PIAS4: variants seen among roughly 807,000 people sequenced by gnomAD.
PIAS4 encodes the protein E3 SUMO-protein ligase PIAS4.
PIAS4 carries 7 observed loss-of-function variants against 58.0 expected under a neutral mutation model. That is an observed-to-expected ratio of 0.12 (90% CI 0.07 to 0.23). PIAS4 has a LOEUF of 0.23. Among genes scored for constraint, PIAS4 ranks in the 10% least tolerant of loss-of-function variants. The probability of loss-of-function intolerance (pLI) is 1.00; values close to 1 mark genes in which losing one functional copy is unlikely to be tolerated. For synonymous variants in PIAS4, 364 were observed against 312.4 expected, an observed-to-expected ratio of 1.17 and a Z score of -1.74; for missense variants, 550 against 709.5, an observed-to-expected ratio of 0.78 and a Z score of 2.55.
intron 1 of PIAS4, among the ~76,000 whole-genome samples, 164 bp downstream of exon 1, chr19:4,007,951 G>T (rs1327313273): frequency 6.6e-6 from 1 of 151,048 alleles, no homozygotes; most frequent in Non-Finnish European, 1.5e-5. Context: ...GGGTGAGGGC[G>T]GGGGGCGGGG....
rs1037711892 is a variant in PIAS4, at chr19:4,018,172, G to A, written c.454+4823G>A. On this transcript the variant is annotated intron_variant, in intron 2 of 10. Coordinates refer to ENST00000262971, the MANE Select transcript of PIAS4 (RefSeq NM_015897.4). The stretch of plus-strand genomic sequence containing the variant: ...TCTATTTAAACTTGTACAATTATGC[G>A]CTTGTCCTAGAAAACTGGAGTCAAC... 2.8e-4 allele frequency among the ~76,000 whole-genome samples: 43 copies of A among 152,322 alleles called. No individual in the cohort carries two copies. The East Asian group carries it at 5.0e-3, about 18-fold the overall frequency.
Position 4,037,675 on chromosome 19 carries a change from G to A in PIAS4, c.1333G>A (p.Gly445Ser). Residue 445 changes from glycine to serine, a missense_variant, in exon 11 of 11, where the codon GGC (glycine) becomes AGC (serine). Coordinates refer to ENST00000262971, the MANE Select transcript of PIAS4 (RefSeq NM_015897.4). This position sits in a 1 kb window ranked among gnomAD's most constrained non-coding sequence, Gnocchi z 5.8. ...APSVNGSGAL[G>S]STGGGGPVGS... is the part of the protein sequence containing the mutation. ...CAGCGTCAACGGGAGCGGTGCCCTG[G>A]GCAGCACGGGTGGCGGCGGCCCGGT... The A allele has an allele frequency of 3.7e-6, 6 of 1,612,168 alleles. No individual in the cohort carries two copies. The highest frequency in any genetic ancestry group is 2.2e-5 in the East Asian group (1 of 44,882).
chr19:4,028,916 TC>T lies in PIAS4; in HGVS notation c.802-13del. 1.9e-6 allele frequency: 3 copies of T among 1,611,064 alleles called. No individual in the cohort carries two copies. The highest frequency in any genetic ancestry group is 1.1e-5 in the South Asian group (1 of 90,904). On this transcript the variant is annotated splice_polypyrimidine_tract_variant and intron_variant, in intron 6 of 10. Transcript: ENST00000262971. ...CCCCGTCCTGCCAGCCCTGACCCCT[TC>T]CTTCTGTCCCCAGAGCTACTCGGTG...
At chr19:4,011,200 C>A (rs1317441141) in intron 1 of PIAS4, among the ~76,000 whole-genome samples, 1 of 152,204 alleles carries the variant, frequency 6.6e-6, no homozygotes, top group African/African-American at 2.4e-5. Flanking sequence ...TTGGTTTCTT[C>A]GGGTACCCGC....
rs894361408 is a variant in PIAS4, at chr19:4,037,199, C to T, written c.1143-175C>T. ...GCCTGGGGCTCAGCACCTGCAGGGG[C>T]CTGAGGGCGGGGGAGGGAATGCGGG... On this transcript the variant is annotated intron_variant, in intron 9 of 10. Coordinates refer to ENST00000262971, the MANE Select transcript of PIAS4 (RefSeq NM_015897.4). The surrounding 1 kb of genome is among the most constrained non-coding windows in gnomAD (Gnocchi z 5.8). Among the ~76,000 whole-genome samples the T allele has an allele frequency of 2.0e-5, 3 of 152,142 alleles. No individual in the cohort carries two copies. Among genetic ancestry groups the T allele is most frequent in the African/African-American group, 7.2e-5 (3 of 41,418 alleles).
intron 1 of PIAS4, among the ~76,000 whole-genome samples, chr19:4,010,554 T>C (rs1160986793): frequency 2.0e-5 from 3 of 152,232 alleles, no homozygotes; most frequent in African/African-American, 4.8e-5. Flanking sequence ...CATCCCTGAC[T>C]CTCAGGCCCA....
intron 1 of PIAS4, 42 bp from the exon 2 acceptor site, chr19:4,012,881 C>T (rs1168334343): frequency 1.3e-6 from 2 of 1,565,454 alleles, no homozygotes; most frequent in Non-Finnish European, 1.7e-6. Context: ...CCCTGCCTCG[C>T]AGCTGTGTCC....
rs779223440 is a variant in PIAS4 at position 4,033,131 on chromosome 19, C to T, written c.939C>T (p.Ser313=). The change falls in exon 8 of 11, where the codon AGC becomes AGT. Residue 313 remains serine, a synonymous_variant. Coordinates refer to ENST00000262971, the MANE Select transcript of PIAS4 (RefSeq NM_015897.4). Reference sequence around the variant, plus strand: ...AGAAGCTGCGCCTTGATCCTGACAGCGAGATCGCCACCACCGGTGTGCGGG... The same window carrying T: ...AGAAGCTGCGCCTTGATCCTGACAGTGAGATCGCCACCACCGGTGTGCGGG... ...VKEKLRLDPD[S]EIATTGVRVS... 2.5e-5 allele frequency: 41 copies of T among 1,611,468 alleles called. No homozygotes were observed. Among genetic ancestry groups the T allele is most frequent in the Middle Eastern group, 1.6e-4 (1 of 6,084 alleles).
chr19:4,029,659 C>CA (rs1206373834), intron 7 of PIAS4, among the ~76,000 whole-genome samples: 5 of 146,434 alleles, frequency 3.4e-5, no homozygotes, highest in East Asian at 2.0e-4. Context: ...GACTCCACCT[C>CA]AAAAAAAAAA....
intron 2 of PIAS4, among the ~76,000 whole-genome samples, chr19:4,015,014 C>T (rs1169028102): frequency 3.3e-5 from 5 of 152,210 alleles, no homozygotes; most frequent in Admixed American, 6.5e-5. Flanking sequence ...AGTGAGGCTC[C>T]GCCTCCACCT....
intron 9 of PIAS4, among the ~76,000 whole-genome samples, chr19:4,034,214 C>T (rs980247735): frequency 6.6e-6 from 1 of 152,196 alleles, no homozygotes; most frequent in Non-Finnish European, 1.5e-5. Context: ...CGGCAGGGCG[C>T]GAGGCCACAG....
At chr19:4,012,852 G>A (rs1168306944) in intron 1 of PIAS4, 71 bp from the exon 2 acceptor site, 1 of 1,491,650 alleles carries the variant, frequency 6.7e-7, no homozygotes, top group Non-Finnish European at 9.1e-7. Flanking sequence ...CCACATCGGG[G>A]CCTGGCCTCC....
chr19:4,025,999 G>A (rs1480028312), intron 3 of PIAS4, among the ~76,000 whole-genome samples: 28 of 147,790 alleles, frequency 1.9e-4, no homozygotes, highest in South Asian at 4.4e-4. Context: ...GCGTGAACCC[G>A]GGAGGCGGAG....
chr19:4,037,987 T>C lies in PIAS4; in HGVS notation c.*112T>C. The C allele has an allele frequency of 8.2e-7, 1 of 1,224,084 alleles. No homozygotes were observed. The highest frequency in any genetic ancestry group is 1.1e-6 in the Non-Finnish European group (1 of 892,112). 75.8% of individuals were successfully genotyped at this position (1,224,084 alleles called of 1,614,324 possible). A position where few individuals can be genotyped will look rare whatever the true frequency, so the allele number is the denominator to read the frequency against. ...TTTTTCTTTTTATTGTCGTTCGTTTTGTTTTTCCACCCTTTTGCCTGGCTC... is the reference window on the plus strand; with the variant it reads ...TTTTTCTTTTTATTGTCGTTCGTTTCGTTTTTCCACCCTTTTGCCTGGCTC... On this transcript the variant is annotated 3_prime_UTR_variant, in exon 11 of 11. Coordinates refer to ENST00000262971, the MANE Select transcript of PIAS4 (RefSeq NM_015897.4). The surrounding 1 kb of genome is among the most constrained non-coding windows in gnomAD (Gnocchi z 5.8).
At chr19:4,036,778 A>G (rs2040298768) in intron 9 of PIAS4, among the ~76,000 whole-genome samples, 1 of 148,420 alleles carries the variant, frequency 6.7e-6, no homozygotes, top group Non-Finnish European at 1.5e-5. Context: ...ACCGTCACAC[A>G]CACACACACA....
At position 4,033,058 on chromosome 19, in the gene PIAS4, G is replaced by T. The variant is rs565676977; in HGVS notation, c.908-42G>T. On this transcript the variant is annotated intron_variant, in intron 7 of 10. Coordinates refer to ENST00000262971, the MANE Select transcript of PIAS4 (RefSeq NM_015897.4). Reference sequence around the variant, plus strand: ...TCGAATCACAGCCCCGCGCCCTGCTGTTCCCACCCTCCTGACGGTGTCTTC... The same window carrying T: ...TCGAATCACAGCCCCGCGCCCTGCTTTTCCCACCCTCCTGACGGTGTCTTC... The T allele has an allele frequency of 3.5e-5, 54 of 1,555,062 alleles. No homozygotes were observed. The East Asian group carries it at 1.1e-3, about 31-fold the overall frequency.
rs1279759864 is a variant in PIAS4, at chr19:4,028,298, C to T, written c.581+111C>T. 5 of 936,086 alleles carry T rather than the reference C, an allele frequency of 5.3e-6. No homozygotes were observed. The East Asian group carries it at 1.3e-4, about 24-fold the overall frequency. The allele number at this position is 936,086 out of a possible 1,614,324, so 58.0% of individuals were successfully genotyped here. A position where few individuals can be genotyped will look rare whatever the true frequency, so the allele number is the denominator to read the frequency against. On this transcript the variant is annotated intron_variant, in intron 4 of 10. Coordinates refer to ENST00000262971, the MANE Select transcript of PIAS4 (RefSeq NM_015897.4). ...TCAGTCTCCCCTGCTAACAGCAGAG[C>T]CCAGCTCTCCTCACCTGCTGTCTAT...
chr19:4,014,269 C>T (rs1187119102), intron 2 of PIAS4, among the ~76,000 whole-genome samples: 1 of 152,166 alleles, frequency 6.6e-6, no homozygotes, highest in East Asian at 1.9e-4. Flanking sequence ...ACCTCATAGC[C>T]CACAGCAGTG....
chr19:4,026,069 G>A (rs1360333803), intron 3 of PIAS4, among the ~76,000 whole-genome samples: 3 of 33,694 alleles, frequency 8.9e-5, no homozygotes, highest in Non-Finnish European at 1.4e-4. Context: ...GGGAGACTCC[G>A]TCTCAAAAAA....
Sources: allele counts gnomAD v4.1 joint callset (sites outside exome capture counted in the v4.1 genomes callset), GRCh38; gene constraint gnomAD v4.1.1; non-coding constraint Gnocchi (gnomAD v3.1); transcripts MANE v1.5; gene names NCBI Gene and HGNC (gene_info 2026-07-23, HGNC 2026-07-21).